PARD3: variants seen among roughly 807,000 people sequenced by gnomAD.
PARD3 encodes partitioning defective 3 homolog.
In PARD3, 75 loss-of-function variants were observed where a neutral mutation model predicts 155.4. The ratio of observed to expected loss-of-function variants is 0.48; its 90% confidence interval spans 0.40 to 0.58. PARD3 has a LOEUF of 0.58. PARD3 is among the 20% of genes least tolerant of loss of function. The probability of loss-of-function intolerance (pLI) is 0.00; values close to 1 mark genes in which losing one functional copy is unlikely to be tolerated. For missense variants in PARD3, 1,642 were observed against 1,721.7 expected (o/e 0.95, Z 0.82); for synonymous variants, 576 against 610.5 (o/e 0.94, Z 0.83).
chr10:34,462,290 T>C (rs907859214), intron 4 of PARD3, among the ~76,000 whole-genome samples: 11 of 152,310 alleles, frequency 7.2e-5, no homozygotes, highest in Admixed American at 2.0e-4. Context: ...CTTTAAGCTT[T>C]TGGATGGTTA....
At chr10:34,405,772 T>A (rs1844400534) in intron 5 of PARD3, among the ~76,000 whole-genome samples, 6 of 152,186 alleles carry the variant, frequency 3.9e-5, no homozygotes, top group Non-Finnish European at 2.9e-5. Flanking sequence ...CTTCCTTTTA[T>A]GTAGTGGTTC....
chr10:34,330,931 T>C (rs1835553795), intron 19 of PARD3, among the ~76,000 whole-genome samples, 186 bp downstream of exon 19: 1 of 152,106 alleles, frequency 6.6e-6, no homozygotes, highest in Non-Finnish European at 1.5e-5. Flanking sequence ...CCCCAGTGTA[T>C]ACTTATAAGA....
rs145590329 is a variant in PARD3 at position 34,712,830 on chromosome 10, T to G, written c.121-16411A>C. On this transcript the variant is annotated intron_variant, in intron 1 of 24. Transcript: ENST00000374788. ...GGTATTGGGTACTATGCTCACTACC[T>G]GGGTGATGGAATCAATCGTACCCCA... 9.1e-4 allele frequency among the ~76,000 whole-genome samples: 139 copies of G among 152,102 alleles called. 1 individual carries two copies. Among genetic ancestry groups the G allele is most frequent in the African/African-American group, 3.2e-3 (134 of 41,480 alleles).
Position 34,231,187 on chromosome 10 carries a change from C to T in PARD3, c.3419+38470G>A, listed in dbSNP as rs1406107087. Among the ~76,000 whole-genome samples the T allele has an allele frequency of 3.6e-5, 5 of 137,330 alleles. No homozygotes were observed. In the Admixed American group the frequency reaches 4.0e-4, roughly 11 times the overall value. 90.1% of individuals were successfully genotyped at this position (137,330 alleles called of 152,430 possible). ...ATTTATTAAAATAGCTTTATATACT[C>T]TATTCTTACAGGAAAAAATATATAC... On this transcript the variant is annotated intron_variant, in intron 22 of 24. Transcript: ENST00000374788.
At chr10:34,747,479 G>C (rs933867897) in intron 1 of PARD3, among the ~76,000 whole-genome samples, 3 of 152,158 alleles carry the variant, frequency 2.0e-5, no homozygotes, top group African/African-American at 7.2e-5. Context: ...AAGCAAAAAT[G>C]GATCGCTAAA....
chr10:34,614,263 C>G (rs2091105516), intron 2 of PARD3, among the ~76,000 whole-genome samples: 1 of 152,102 alleles, frequency 6.6e-6, no homozygotes, highest in Non-Finnish European at 1.5e-5. Context: ...GGACCAGGAA[C>G]CTGGGAAATT....
In PARD3 at chr10:34,814,969, C is replaced by A; in HGVS notation, c.27G>T (p.Arg9=). Residue 9 remains arginine (R), a synonymous_variant, in exon 1 of 25, where the codon CGG becomes CGT. Transcript: ENST00000374788. The stretch of plus-strand genomic sequence containing the variant: ...CCCCGCACGGCACGACCACCCGGGT[C>A]CGTCCGAAGCACACGGTCACTTTCA... The part of the protein sequence containing the change: MKVTVCFG[R]TRVVVPCGDG... 2 of 1,546,238 alleles carry A rather than the reference C, an allele frequency of 1.3e-6. No individual in the cohort carries two copies.
At chr10:34,760,965 C>T (rs963991490) in intron 1 of PARD3, among the ~76,000 whole-genome samples, 1 of 151,784 alleles carries the variant, frequency 6.6e-6, no homozygotes, top group Non-Finnish European at 1.5e-5. Context: ...TGTTATACTG[C>T]AATAAATAAA....
chr10:34,285,671 A>T (rs1280614417), intron 20 of PARD3, among the ~76,000 whole-genome samples: 1 of 152,170 alleles, frequency 6.6e-6, no homozygotes, highest in Non-Finnish European at 1.5e-5. Context: ...CTTGGTTGAT[A>T]GCATTGATTT....
chr10:34,133,295 C>T (rs961032634), intron 22 of PARD3, among the ~76,000 whole-genome samples: 13 of 152,152 alleles, frequency 8.5e-5, no homozygotes, highest in African/African-American at 3.1e-4. Flanking sequence ...GCTCCCGTAC[C>T]TGTACATCTG....
chr10:34,734,245 G>C (rs2094869541), intron 1 of PARD3, among the ~76,000 whole-genome samples: 2 of 149,486 alleles, frequency 1.3e-5, no homozygotes, highest in Non-Finnish European at 3.0e-5. Flanking sequence ...AGGCATGTGA[G>C]TGATACACTT....
At chr10:34,552,349 C>T (rs1378766675) in intron 2 of PARD3, among the ~76,000 whole-genome samples, 1 of 152,244 alleles carries the variant, frequency 6.6e-6, no homozygotes, top group Non-Finnish European at 1.5e-5. Context: ...GATCCTCCCA[C>T]ATCAGCCTCC....
At chr10:34,594,169 T>C (rs1258428607) in intron 2 of PARD3, among the ~76,000 whole-genome samples, 1 of 152,168 alleles carries the variant, frequency 6.6e-6, no homozygotes, top group Non-Finnish European at 1.5e-5. Flanking sequence ...CTGAGGACAA[T>C]ACAGAGCACA....
intron 2 of PARD3, among the ~76,000 whole-genome samples, chr10:34,535,143 T>C (rs979456513): frequency 2.2e-4 from 33 of 152,342 alleles, no homozygotes; most frequent in Admixed American, 1.3e-4. Flanking sequence ...TCTGTATAAG[T>C]AGCTGCTTTG....
At chr10:34,377,119 C>T (rs1020943695) in intron 10 of PARD3, among the ~76,000 whole-genome samples, 2 of 152,170 alleles carry the variant, frequency 1.3e-5, no homozygotes, top group Admixed American at 1.3e-4. Flanking sequence ...ATTCTCCATG[C>T]TGCCATTTCA....
intron 20 of PARD3, among the ~76,000 whole-genome samples, chr10:34,298,259 C>T (rs1221336427): frequency 5.3e-5 from 8 of 152,180 alleles, no homozygotes; most frequent in Non-Finnish European, 1.2e-4. Context: ...GCTGACTTAG[C>T]TAGAGTTGTA....
At chr10:34,646,715 G>A (rs564928777) in intron 2 of PARD3, among the ~76,000 whole-genome samples, 30 of 152,240 alleles carry the variant, frequency 2.0e-4, no homozygotes, top group Non-Finnish European at 2.9e-4. Context: ...GCCCAGGCTG[G>A]AGTGCAATAG....
At chr10:34,298,142 A>G (rs1170670986) in intron 20 of PARD3, among the ~76,000 whole-genome samples, 2 of 152,246 alleles carry the variant, frequency 1.3e-5, no homozygotes, top group Admixed American at 6.5e-5. Flanking sequence ...GTGTTGGCAC[A>G]TAAAAACACT....
At chr10:34,801,055 T>A (rs886463264) in intron 1 of PARD3, among the ~76,000 whole-genome samples, 26 of 152,242 alleles carry the variant, frequency 1.7e-4, no homozygotes, top group African/African-American at 6.0e-4. Flanking sequence ...AATTTTGTTA[T>A]AAAACACTTG....
Sources: allele counts gnomAD v4.1 joint callset (sites outside exome capture counted in the v4.1 genomes callset), GRCh38; gene constraint gnomAD v4.1.1; transcripts MANE v1.5; gene names NCBI Gene and HGNC (gene_info 2026-07-23, HGNC 2026-07-21).